Variants in SLC44A2 observed in about 807,000 individuals in gnomAD.
The protein encoded by SLC44A2 is solute carrier family 44 member 2 (CTL2 blood group), also known as choline transporter-like protein 2.
Under a neutral mutation model 90.8 loss-of-function variants are expected in SLC44A2, and 57 were observed. The ratio of observed to expected loss-of-function variants is 0.63; its 90% confidence interval spans 0.51 to 0.78. The LOEUF (loss-of-function observed/expected upper bound fraction) is 0.78. Ranked by LOEUF, SLC44A2 falls within the 30% of genes least tolerant of loss-of-function variation. The probability of loss-of-function intolerance (pLI) is 0.00; values close to 1 mark genes in which losing one functional copy is unlikely to be tolerated. For synonymous variants in SLC44A2, 355 were observed against 360.7 expected (o/e 0.98, Z 0.18); for missense variants, 794 against 919.7 (o/e 0.86, Z 1.77).
chr19:10,635,821 CA>C (rs2067048671), intron 14 of SLC44A2: 2 of 285,004 alleles, frequency 7.0e-6, no homozygotes, highest in South Asian at 7.9e-5. Context: ...GCTCTGTCAC[CA>C]GGCTGGAGTG....
At chr19:10,642,507 G>T in intron 21 of SLC44A2, 56 bp downstream of exon 21, 1 of 1,515,170 alleles carries the variant, frequency 6.6e-7, no homozygotes, top group South Asian at 1.1e-5. Flanking sequence ...CTTTCCACTG[G>T]GCATCACATC....
At chr19:10,634,478 AAGAG>A (rs1309966823) in intron 10 of SLC44A2, among the ~76,000 whole-genome samples, 3 of 151,684 alleles carry the variant, frequency 2.0e-5, no homozygotes, top group Admixed American at 6.6e-5. Flanking sequence ...AAAAAAAAAA[AAGAG>A]AGAGAACTTA....
At chr19:10,619,547 A>G (rs1481394669) in intron 1 of SLC44A2, among the ~76,000 whole-genome samples, 1 of 152,048 alleles carries the variant, frequency 6.6e-6, no homozygotes, top group Admixed American at 6.6e-5. Flanking sequence ...CGAGGTCTCA[A>G]TATATTGCCC....
At chr19:10,634,917 A>G in intron 11 of SLC44A2, 30 bp downstream of exon 11, 1 of 1,614,104 alleles carries the variant, frequency 6.2e-7, no homozygotes, top group African/African-American at 1.3e-5. Context: ...TCCTGCCCCC[A>G]CATGAGGCCT....
chr19:10,642,587 T>A (rs1172956133), intron 21 of SLC44A2, 136 bp downstream of exon 21: 30 of 851,806 alleles, frequency 3.5e-5, no homozygotes, highest in Non-Finnish European at 5.3e-5. Context: ...TCGTCCTGGG[T>A]CCCCAGCCTG....
chr19:10,638,086 T>C lies in SLC44A2; in HGVS notation c.1833T>C (p.Gly611=), dbSNP rs753530984. 1.2e-5 allele frequency: 20 copies of C among 1,613,828 alleles called. No homozygotes were observed. The highest frequency in any genetic ancestry group is 1.7e-5 in the Admixed American group (1 of 59,980). ...LFLLGKLLIV[G]SVGILAFFFF... is the part of the protein sequence containing the mutation. ...TGTTGGGCAAACTTCTGATCGTTGG[T>C]AGTGTGGGTGAGTGCCGCCCACCTA... The change falls in exon 19 of 22, where the codon GGT becomes GGC. Residue 611 remains glycine (G), a synonymous_variant. Coordinates refer to ENST00000335757, the MANE Select transcript of SLC44A2 (RefSeq NM_020428.4).
At chr19:10,627,238 T>A (rs1312896197) in intron 2 of SLC44A2, among the ~76,000 whole-genome samples, 1 of 151,616 alleles carries the variant, frequency 6.6e-6, no homozygotes, top group African/African-American at 2.4e-5. Flanking sequence ...GGAGAATCGC[T>A]TGAACCTGGG....
In SLC44A2 at chr19:10,632,028, G is replaced by A. The variant is rs370525353; in HGVS notation, c.711-16G>A. 18 of 1,613,788 alleles carry A rather than the reference G, an allele frequency of 1.1e-5. No homozygotes were observed. The highest frequency in any genetic ancestry group is 6.6e-5 in the South Asian group (6 of 91,078). On this transcript the variant is annotated splice_polypyrimidine_tract_variant and intron_variant, in intron 9 of 21. Transcript: ENST00000335757. ...CTGAGGGTGGAGTCTGTTCATGACCGTTTTCTTTTCCCCAGAGGCCTGGTC... is the reference window on the plus strand; with the variant it reads ...CTGAGGGTGGAGTCTGTTCATGACCATTTTCTTTTCCCCAGAGGCCTGGTC...
chr19:10,602,503 G>C (rs528348832), upstream of SLC44A2: 6 of 1,256,798 alleles, frequency 4.8e-6, no homozygotes, highest in South Asian at 5.9e-5. Context: ...GCGCTGGCTC[G>C]GACTCCGCTC....
chr19:10,640,545 G>T (rs58463220), intron 20 of SLC44A2, among the ~76,000 whole-genome samples: 1 of 152,138 alleles, frequency 6.6e-6, no homozygotes, highest in Non-Finnish European at 1.5e-5. Flanking sequence ...TCCTGCCTCA[G>T]CCTGCCAAAG....
chr19:10,625,374 G>A (rs1238409281), upstream of SLC44A2: 2 of 942,130 alleles, frequency 2.1e-6, no homozygotes, highest in African/African-American at 3.4e-5. Context: ...CAGGGTTCCC[G>A]GGTGGGGGCG....
At chr19:10,634,943 GCC>G (rs745498361) in intron 11 of SLC44A2, 29 bp from the exon 12 acceptor site, 2 of 1,614,170 alleles carry the variant, frequency 1.2e-6, no homozygotes, top group South Asian at 1.1e-5. Context: ...GGAGTGGGGA[GCC>G]CAGCCGGCTC....
intron 16 of SLC44A2, among the ~76,000 whole-genome samples, chr19:10,637,348 T>C (rs1485298814): frequency 2.0e-5 from 3 of 151,920 alleles, no homozygotes; most frequent in African/African-American, 7.3e-5. Flanking sequence ...CGAGACTCCA[T>C]TTCAAAAAAA....
intron 20 of SLC44A2, among the ~76,000 whole-genome samples, chr19:10,640,618 G>A (rs1343621393): frequency 6.6e-6 from 1 of 152,152 alleles, no homozygotes; most frequent in Middle Eastern, 3.2e-3. Flanking sequence ...GTCAACAAAT[G>A]TTTATCTAGC....
rs2067145692 is a variant in SLC44A2 at position 10,644,168 on chromosome 19, A to G, written c.*783A>G. The G allele has an allele frequency of 1.3e-5, 2 of 152,622 alleles. No individual in the cohort carries two copies. The highest frequency in any genetic ancestry group is 1.3e-4 in the Admixed American group (2 of 15,270). The allele number at this position is 152,622 out of a possible 1,614,324, so 9.5% of individuals were successfully genotyped here. A position where few individuals can be genotyped will look rare whatever the true frequency, so the allele number is the denominator to read the frequency against. Reference sequence around the variant, plus strand: ...GCTGAATTTCCCGACTTCCTCTGCCAGTTATTGACACAGCTCTCTTTGTAA... The same window carrying G: ...GCTGAATTTCCCGACTTCCTCTGCCGGTTATTGACACAGCTCTCTTTGTAA... On this transcript the variant is annotated 3_prime_UTR_variant, in exon 22 of 22. Coordinates refer to ENST00000335757, the MANE Select transcript of SLC44A2 (RefSeq NM_020428.4).
chr19:10,610,851 G>A (rs999498586), intron 1 of SLC44A2, among the ~76,000 whole-genome samples: 8 of 147,736 alleles, frequency 5.4e-5, no homozygotes, highest in Middle Eastern at 3.7e-3. Context: ...TGTTGGCCAG[G>A]CTGGTCTGGA....
At chr19:10,608,676 G>A (rs960401935) in intron 1 of SLC44A2, among the ~76,000 whole-genome samples, 1 of 151,164 alleles carries the variant, frequency 6.6e-6, no homozygotes, top group Non-Finnish European at 1.5e-5. Context: ...TTGAGACAGG[G>A]TCTCACTCTG....
intron 20 of SLC44A2, among the ~76,000 whole-genome samples, chr19:10,639,027 G>A (rs926367852): frequency 6.6e-6 from 1 of 151,908 alleles, no homozygotes; most frequent in African/African-American, 2.4e-5. Context: ...TCGAACTCCC[G>A]ACCTCAGGTG....
At chr19:10,642,720 G>A (rs192783726) in intron 21 of SLC44A2, among the ~76,000 whole-genome samples, 1 of 152,168 alleles carries the variant, frequency 6.6e-6, no homozygotes, top group Non-Finnish European at 1.5e-5. Flanking sequence ...TGACTGGGGG[G>A]AGGGGATCTG....
Sources: gnomAD v4.1 joint callset for allele counts (sites outside exome capture counted in the v4.1 genomes callset) on GRCh38, gnomAD v4.1.1 for gene constraint, MANE v1.5 for transcripts, NCBI Gene and HGNC (gene_info 2026-07-23, HGNC 2026-07-21) for gene names.